MIR2052HG: variants seen among roughly 807,000 people sequenced by gnomAD.
The protein encoded by MIR2052HG is MIR2052 host gene.
At position 74,670,044 on chromosome 8, in the gene MIR2052HG, C is replaced by T. The variant is rs990804680; in HGVS notation, n.217-32335C>T. Among the ~76,000 whole-genome samples, 8 of 152,144 alleles carry T rather than the reference C, an allele frequency of 5.3e-5. No individual in the cohort carries two copies. In the South Asian group the frequency reaches 6.2e-4, roughly 12 times the overall value. ...GAGAGAGAGATGTCTTTCTCTACCA[C>T]GTGAGCACACAGCAAGAAGGCTGCT... On this transcript the variant is annotated intron_variant and non_coding_transcript_variant, in intron 2 of 6. Transcript: ENST00000523442.
intron 2 of MIR2052HG, among the ~76,000 whole-genome samples, chr8:74,669,599 C>T (rs374085886): frequency 1.3e-5 from 2 of 152,176 alleles, no homozygotes; most frequent in South Asian, 4.1e-4. Flanking sequence ...CCTCTACTTA[C>T]GTATCTCATG....
chr8:74,627,206 CA>C (rs1808449039), intron 2 of MIR2052HG, among the ~76,000 whole-genome samples: 1 of 152,212 alleles, frequency 6.6e-6, no homozygotes, highest in Admixed American at 6.5e-5. Flanking sequence ...GGACACATTA[CA>C]GTTTATAATC....
intron 2 of MIR2052HG, among the ~76,000 whole-genome samples, chr8:74,620,758 A>G (rs893748649): frequency 6.6e-6 from 1 of 152,222 alleles, no homozygotes; most frequent in East Asian, 1.9e-4. Context: ...TGTGATGGGA[A>G]GGGCTGCCAT....
Position 74,603,748 on chromosome 8 carries a change from A to G in MIR2052HG, n.128+3840A>G, listed in dbSNP as rs1808061932. ...CACGCCCTTCGGGGGGGACTCCAAC[A>G]TGACCACACAGATCTGTTTGACACA... is the stretch of plus-strand genomic sequence containing the variant. On this transcript the variant is annotated intron_variant and non_coding_transcript_variant, in intron 1 of 6. Transcript: ENST00000523442. 3.5e-6 allele frequency: 3 copies of G among 851,572 alleles called. No homozygotes were observed. In the African/African-American group the frequency reaches 5.0e-5, roughly 14 times the overall value. The allele number at this position is 851,572 out of a possible 1,614,324, so 52.8% of individuals were successfully genotyped here. A position where few individuals can be genotyped will look rare whatever the true frequency, so the allele number is the denominator to read the frequency against.
intron 2 of MIR2052HG, among the ~76,000 whole-genome samples, chr8:74,676,221 A>C (rs530746265): frequency 6.6e-6 from 1 of 152,092 alleles, no homozygotes; most frequent in East Asian, 1.9e-4. Flanking sequence ...AGAATGAAGG[A>C]AAATTATTTT....
At chr8:74,628,290 C>G (rs1808462794) in intron 2 of MIR2052HG, among the ~76,000 whole-genome samples, 1 of 152,110 alleles carries the variant, frequency 6.6e-6, no homozygotes, top group Non-Finnish European at 1.5e-5. Context: ...AGAAACTAAA[C>G]ATTCGTTCAA....
chr8:74,727,805 G>T (rs1809652193), intron 4 of MIR2052HG, among the ~76,000 whole-genome samples: 1 of 152,192 alleles, frequency 6.6e-6, no homozygotes, highest in African/African-American at 2.4e-5. Flanking sequence ...TTATTTTCTT[G>T]TCATGATTCT....
chr8:74,658,987 C>T (rs1167158273), intron 2 of MIR2052HG, among the ~76,000 whole-genome samples: 1 of 152,216 alleles, frequency 6.6e-6, no homozygotes, highest in Non-Finnish European at 1.5e-5. Flanking sequence ...CCCAAATGAG[C>T]TTCTCTCCTG....
chr8:74,698,708 A>T (rs896282335), intron 2 of MIR2052HG, among the ~76,000 whole-genome samples: 2 of 152,080 alleles, frequency 1.3e-5, no homozygotes, highest in Admixed American at 6.6e-5. Context: ...ATATGTTTTC[A>T]CTCATAAGTG....
chr8:74,741,157 A>G (rs1331086736), intron 4 of MIR2052HG, among the ~76,000 whole-genome samples: 2 of 152,198 alleles, frequency 1.3e-5, no homozygotes, highest in African/African-American at 4.8e-5. Context: ...TGGTCTTTGA[A>G]TGATTTAAAG....
chr8:74,657,856 G>T (rs1808823274), intron 2 of MIR2052HG, among the ~76,000 whole-genome samples: 2 of 151,896 alleles, frequency 1.3e-5, no homozygotes, highest in South Asian at 4.2e-4. Flanking sequence ...GTGAGATTTG[G>T]GTGGGGATAC....
At chr8:74,750,163 G>A (rs1453782518) in intron 4 of MIR2052HG, among the ~76,000 whole-genome samples, 1 of 152,146 alleles carries the variant, frequency 6.6e-6, no homozygotes, top group African/African-American at 2.4e-5. Context: ...ACAAATTACT[G>A]TCTGATCATT....
At chr8:74,718,395 T>C (rs1196967070) in intron 4 of MIR2052HG, among the ~76,000 whole-genome samples, 1 of 152,156 alleles carries the variant, frequency 6.6e-6, no homozygotes, top group Admixed American at 6.5e-5. Flanking sequence ...CAGGCTCTTA[T>C]GTCTTGTTGC....
At chr8:74,738,539 T>C (rs1041516792) in intron 4 of MIR2052HG, among the ~76,000 whole-genome samples, 1 of 152,228 alleles carries the variant, frequency 6.6e-6, no homozygotes. Flanking sequence ...GTTACAGCTC[T>C]ATATCAGAAG....
intron 1 of MIR2052HG, chr8:74,612,373 T>C (rs1808210413): frequency 6.3e-6 from 1 of 157,752 alleles, no homozygotes; most frequent in African/African-American, 2.4e-5. Context: ...TCTTCACTTA[T>C]TAGTGTCTGT....
At chr8:74,665,190 GA>G (rs1258401641) in intron 2 of MIR2052HG, among the ~76,000 whole-genome samples, 1 of 151,862 alleles carries the variant, frequency 6.6e-6, no homozygotes, top group African/African-American at 2.4e-5. Context: ...TTTTGATTTC[GA>G]ATTTGCCAAT....
At chr8:74,682,106 G>T (rs1459919176) in intron 2 of MIR2052HG, among the ~76,000 whole-genome samples, 1 of 152,016 alleles carries the variant, frequency 6.6e-6, no homozygotes, top group African/African-American at 2.4e-5. Flanking sequence ...ATCATTTATT[G>T]TACATATCAA....
chr8:74,609,639 C>A (rs941485122), intron 1 of MIR2052HG: 2 of 150,836 alleles, frequency 1.3e-5, no homozygotes, highest in Admixed American at 6.6e-5. Flanking sequence ...ATGAGTTTAA[C>A]ATATAAAGAT....
At chr8:74,683,447 C>T (rs989262544) in intron 2 of MIR2052HG, among the ~76,000 whole-genome samples, 1 of 152,084 alleles carries the variant, frequency 6.6e-6, no homozygotes, top group African/African-American at 2.4e-5. Context: ...AAATAAAACA[C>T]CATCTGCTTA....
Sources: allele counts gnomAD v4.1 joint callset (sites outside exome capture counted in the v4.1 genomes callset), GRCh38; gene constraint gnomAD v4.1.1; transcripts MANE v1.5; gene names NCBI Gene and HGNC (gene_info 2026-07-23, HGNC 2026-07-21).